The following SLC36A1 variants were observed in gnomAD, a reference collection of about 807,000 sequenced individuals.
SLC36A1 encodes solute carrier family 36 member 1.
In SLC36A1, 30 loss-of-function variants were observed where a neutral mutation model predicts 47.5. That is an observed-to-expected ratio of 0.63 (90% CI 0.47 to 0.86). SLC36A1 has a LOEUF of 0.86. Among genes scored for constraint, SLC36A1 ranks in the 40% least tolerant of loss-of-function variants. The probability of loss-of-function intolerance (pLI) is 0.00; values close to 1 mark genes in which losing one functional copy is unlikely to be tolerated. For synonymous variants in SLC36A1, 255 were observed against 249.7 expected, an observed-to-expected ratio of 1.02 and a Z score of -0.20; for missense variants, 517 against 606.0, an observed-to-expected ratio of 0.85 and a Z score of 1.54.
the SLC36A1 span, among the ~76,000 whole-genome samples, chr5:151,538,146 A>G: frequency 6.6e-6 from 1 of 152,156 alleles, no homozygotes; most frequent in Non-Finnish European, 1.5e-5. Context: ...CAGAGGAGGT[A>G]GAATAAGATG....
At chr5:151,500,173 TA>T in the SLC36A1 span, among the ~76,000 whole-genome samples, 3 of 152,270 alleles carry the variant, frequency 2.0e-5, no homozygotes, top group East Asian at 5.8e-4. Flanking sequence ...ATTTGTAATT[TA>T]TTTCGCGAAC....
the SLC36A1 span, chr5:151,505,321 A>G: frequency 1.8e-6 from 1 of 558,290 alleles, no homozygotes; most frequent in East Asian, 3.1e-5. Context: ...TTCCAGGGTC[A>G]CTGCTCTAGA....
chr5:151,553,314 G>A, the SLC36A1 span: 1 of 1,614,256 alleles, frequency 6.2e-7, no homozygotes. Context: ...GGACGGCCGG[G>A]GCCAAGGGAT....
the SLC36A1 span, chr5:151,511,325 A>G: frequency 0.15 from 22,602 of 152,262 alleles, 2,168 homozygotes; most frequent in Non-Finnish European, 0.2. Flanking sequence ...TGTGTGATGT[A>G]TAGAATAGAT....
the SLC36A1 span, among the ~76,000 whole-genome samples, chr5:151,353,078 C>G: frequency 1.4e-4 from 21 of 152,288 alleles, no homozygotes; most frequent in East Asian, 3.5e-3. Flanking sequence ...AAGAGATTCT[C>G]TTTGCTTTTA....
chr5:151,416,932 A>G, the SLC36A1 span, among the ~76,000 whole-genome samples: 2 of 152,158 alleles, frequency 1.3e-5, no homozygotes, highest in Non-Finnish European at 2.9e-5. Context: ...ATGGTTTTAT[A>G]AGGGGCTCTT....
the SLC36A1 span, among the ~76,000 whole-genome samples, chr5:151,391,019 A>G: frequency 1.3e-5 from 2 of 152,230 alleles, no homozygotes; most frequent in East Asian, 3.9e-4. Flanking sequence ...TTTTCACAAT[A>G]TTGATTCTTC....
chr5:151,425,195 G>A, the SLC36A1 span: 1 of 152,222 alleles, frequency 6.6e-6, no homozygotes, highest in Non-Finnish European at 1.5e-5. Flanking sequence ...TGTCACTCAG[G>A]TGAGGTTTGC....
rs541929959 is a variant in SLC36A1 at position 151,437,802 on chromosome 5, T to G, written c.-6+623T>G. 3.4e-4 allele frequency among the ~76,000 whole-genome samples: 52 copies of G among 152,322 alleles called. No homozygotes were observed. In the South Asian group the frequency reaches 6.2e-3, roughly 18 times the overall value. On this transcript the variant is annotated intron_variant, in intron 1 of 8. Transcript: ENST00000429484. ...AGTAGATTAGAACAATGCAAATGTA[T>G]TCTCTTATAGTTCTAGAAGTCAGAG... is the stretch of plus-strand genomic sequence containing the variant.
chr5:151,366,835 A>G, the SLC36A1 span, among the ~76,000 whole-genome samples: 1 of 152,190 alleles, frequency 6.6e-6, no homozygotes, highest in Non-Finnish European at 1.5e-5. Context: ...GTACAAAGAG[A>G]GGAATTTTAC....
intron 1 of SLC36A1, among the ~76,000 whole-genome samples, chr5:151,453,018 A>G (rs1043652173): frequency 1.3e-5 from 2 of 152,006 alleles, no homozygotes; most frequent in Non-Finnish European, 2.9e-5. Flanking sequence ...CCTGGCCAAC[A>G]TGATGAAACC....
At chr5:151,526,855 T>C in the SLC36A1 span, among the ~76,000 whole-genome samples, 1 of 152,254 alleles carries the variant, frequency 6.6e-6, no homozygotes, top group South Asian at 2.1e-4. Context: ...CTCCAAATCC[T>C]ATTTGCAAAC....
At chr5:151,422,659 T>G in the SLC36A1 span, among the ~76,000 whole-genome samples, 164 of 152,050 alleles carry the variant, frequency 1.1e-3, 1 homozygote, top group Admixed American at 4.9e-3. Flanking sequence ...GTCCAGGAGT[T>G]TGAGGCTGCA....
intron 9 of SLC36A1, among the ~76,000 whole-genome samples, chr5:151,477,910 G>A (rs1758299026): frequency 6.6e-6 from 1 of 152,154 alleles, no homozygotes. Flanking sequence ...CCCAAACCCA[G>A]CTGCTGTAAC....
At chr5:151,546,233 C>T in the SLC36A1 span, 258 of 1,614,008 alleles carry the variant, frequency 1.6e-4, no homozygotes, top group Non-Finnish European at 2.1e-4. Context: ...TGATCTTCTG[C>T]CTTCACTGTC....
At chr5:151,478,925 A>G (rs1041110855) in intron 9 of SLC36A1, among the ~76,000 whole-genome samples, 5 of 152,196 alleles carry the variant, frequency 3.3e-5, no homozygotes, top group African/African-American at 7.2e-5. Flanking sequence ...TCCCCATGAT[A>G]GTGATATGCT....
At chr5:151,378,128 G>T in the SLC36A1 span, 1 of 339,666 alleles carries the variant, frequency 2.9e-6, no homozygotes, top group Non-Finnish European at 5.8e-6. Context: ...AAACATTGAT[G>T]TCTCCATGCA....
rs1757104384 is a variant in SLC36A1 at position 151,470,089 on chromosome 5, C to A, written c.723+2164C>A. ...TTTTTTAAACATAAAATAAATAGTT[C>A]TTCACGTCCCCTTTTTATGAGACTG... On this transcript the variant is annotated intron_variant, in intron 7 of 10. Transcript: ENST00000243389. 2.0e-5 allele frequency among the ~76,000 whole-genome samples: 3 copies of A among 152,242 alleles called. No individual in the cohort carries two copies. The South Asian group carries it at 6.2e-4, about 32-fold the overall frequency.
chr5:151,518,201 G>T, the SLC36A1 span, among the ~76,000 whole-genome samples: 56 of 151,866 alleles, frequency 3.7e-4, no homozygotes, highest in Non-Finnish European at 5.9e-4. Context: ...GCCAGGCATG[G>T]TGCCTCATGC....
Sources: gnomAD v4.1 joint callset for allele counts (sites outside exome capture counted in the v4.1 genomes callset) on GRCh38, gnomAD v4.1.1 for gene constraint, MANE v1.5 for transcripts, NCBI Gene and HGNC (gene_info 2026-07-23, HGNC 2026-07-21) for gene names.